Variants in ATP10A observed in about 807,000 individuals in gnomAD.
The protein encoded by ATP10A is phospholipid-transporting ATPase VA.
Under a neutral mutation model 147.8 loss-of-function variants are expected in ATP10A, and 111 were observed. The ratio of observed to expected loss-of-function variants is 0.75; its 90% CI spans 0.64 to 0.88. The LOEUF (loss-of-function observed/expected upper bound fraction) is 0.88, where lower values mean the gene tolerates loss of function less well. Among genes scored for constraint, ATP10A ranks in the 40% least tolerant of loss-of-function variants. ATP10A has a pLI of 0.00. For synonymous variants in ATP10A, 875 were observed against 841.6 expected, an observed-to-expected ratio of 1.04 and a Z score of -0.69; for missense variants, 1,927 against 1,959.0, an observed-to-expected ratio of 0.98 and a Z score of 0.31.
At chr15:25,825,965 A>C (rs1011099162) in intron 1 of ATP10A, among the ~76,000 whole-genome samples, 30 of 152,196 alleles carry the variant, frequency 2.0e-4, no homozygotes, top group Admixed American at 6.5e-4. Context: ...GAAATAGAGA[A>C]TATCAATAAA....
intron 1 of ATP10A, among the ~76,000 whole-genome samples, chr15:25,833,923 G>C (rs1892478278): frequency 6.6e-6 from 1 of 151,910 alleles, no homozygotes; most frequent in South Asian, 2.1e-4. Flanking sequence ...AGTGAGCCCA[G>C]ATGGCGCCAC....
At chr15:25,812,307 T>G (rs372681361) in intron 1 of ATP10A, among the ~76,000 whole-genome samples, 3 of 152,242 alleles carry the variant, frequency 2.0e-5, no homozygotes, top group Non-Finnish European at 4.4e-5. Context: ...AAAAGACTTT[T>G]GTAGTTTGGA....
At chr15:25,845,845 A>G (rs573948982) in intron 1 of ATP10A, among the ~76,000 whole-genome samples, 1 of 152,316 alleles carries the variant, frequency 6.6e-6, no homozygotes, top group Admixed American at 6.5e-5. Context: ...ACTCAAACAG[A>G]CACTGGTACC....
intron 1 of ATP10A, among the ~76,000 whole-genome samples, chr15:25,833,503 G>C (rs149417507): frequency 6.6e-6 from 1 of 152,190 alleles, no homozygotes; most frequent in Non-Finnish European, 1.5e-5. Context: ...TTTGACAGTA[G>C]AGTACCCCTA....
At chr15:25,825,094 C>T (rs1374993512) in intron 1 of ATP10A, among the ~76,000 whole-genome samples, 1 of 152,196 alleles carries the variant, frequency 6.6e-6, no homozygotes, top group East Asian at 1.9e-4. Flanking sequence ...CTTCAAAGCC[C>T]ATACCAGAGA....
downstream of ATP10A, among the ~76,000 whole-genome samples, chr15:25,673,740 A>G (rs1282198956): frequency 6.6e-6 from 1 of 151,682 alleles, no homozygotes; most frequent in African/African-American, 2.4e-5. Flanking sequence ...ACAACAAACT[A>G]TTTTTTTTTC....
At chr15:25,747,119 T>G (rs1358289309) in intron 2 of ATP10A, among the ~76,000 whole-genome samples, 1 of 152,028 alleles carries the variant, frequency 6.6e-6, no homozygotes, top group East Asian at 1.9e-4. Flanking sequence ...AAACCCCATC[T>G]CTACTATAAC....
intron 2 of ATP10A, among the ~76,000 whole-genome samples, chr15:25,744,828 G>A (rs541084173): frequency 3.3e-5 from 5 of 152,290 alleles, no homozygotes; most frequent in South Asian, 2.1e-4. Context: ...GAAGTCTAAC[G>A]TGTGTAATCA....
intron 2 of ATP10A, among the ~76,000 whole-genome samples, chr15:25,759,983 T>C (rs1412878012): frequency 6.7e-6 from 1 of 148,872 alleles, no homozygotes; most frequent in Admixed American, 6.7e-5. Context: ...TTTTTTTTTC[T>C]TTGAGATGAA....
At chr15:25,848,743 G>A (rs1893146220) in intron 1 of ATP10A, 4 of 153,746 alleles carry the variant, frequency 2.6e-5, no homozygotes, top group Admixed American at 2.0e-4. Context: ...TTTTCCAAGA[G>A]AAAGGGGAAT....
At chr15:25,811,189 G>A (rs1039155703) in intron 1 of ATP10A, among the ~76,000 whole-genome samples, 5 of 152,218 alleles carry the variant, frequency 3.3e-5, no homozygotes, top group Admixed American at 3.3e-4. Context: ...GTATCCAGGG[G>A]CACTGCCCGG....
intron 1 of ATP10A, among the ~76,000 whole-genome samples, chr15:25,814,234 C>T (rs1353166188): frequency 6.6e-6 from 1 of 152,174 alleles, no homozygotes; most frequent in Non-Finnish European, 1.5e-5. Context: ...AGAGGAGCAT[C>T]ATATGTCAGG....
intron 15 of ATP10A, among the ~76,000 whole-genome samples, chr15:25,690,738 C>T (rs1899981226): frequency 6.6e-6 from 1 of 152,210 alleles, no homozygotes; most frequent in African/African-American, 2.4e-5. Context: ...TTGAGCTTCC[C>T]CTTGTGCAAG....
intron 15 of ATP10A, chr15:25,688,108 C>CT (rs1042715862): frequency 9.1e-6 from 4 of 439,168 alleles, no homozygotes. Flanking sequence ...AAAAGGTTTT[C>CT]TTTTTTCCTG....
At chr15:25,709,951 G>A (rs1385124786) in intron 10 of ATP10A, 1 of 152,340 alleles carries the variant, frequency 6.6e-6, no homozygotes, top group African/African-American at 2.4e-5. Flanking sequence ...AAGCTCCAAG[G>A]AGACCATCAC....
intron 1 of ATP10A, among the ~76,000 whole-genome samples, chr15:25,823,206 T>C (rs11637888): frequency 0.17 from 25,208 of 152,226 alleles, 2,239 homozygotes; most frequent in Middle Eastern, 0.3. Flanking sequence ...TTCAATGGTA[T>C]GGCTAATGGC....
At chr15:25,788,069 G>A (rs746064902) in intron 1 of ATP10A, among the ~76,000 whole-genome samples, 17 of 152,260 alleles carry the variant, frequency 1.1e-4, no homozygotes, top group Admixed American at 2.6e-4. Context: ...TGCTCCCAAC[G>A]TGGGCAGGGC....
intron 1 of ATP10A, among the ~76,000 whole-genome samples, chr15:25,786,671 G>C (rs1347526204): frequency 7.8e-6 from 1 of 128,936 alleles, no homozygotes; most frequent in Non-Finnish European, 1.6e-5. Flanking sequence ...CATCCCTCAG[G>C]CTGGAGTGCA....
At chr15:25,727,325 G>A in intron 3 of ATP10A, 59 bp from the exon 4 acceptor site, 2 of 1,358,900 alleles carry the variant, frequency 1.5e-6, no homozygotes, top group Non-Finnish European at 2.1e-6. Flanking sequence ...CATGTCTGGA[G>A]CCGCAATGCC....
Sources: allele counts gnomAD v4.1 joint callset (sites outside exome capture counted in the v4.1 genomes callset), GRCh38; gene constraint gnomAD v4.1.1; transcripts MANE v1.5; gene names NCBI Gene and HGNC (gene_info 2026-07-23, HGNC 2026-07-21).